Variants in EIF4G3 observed in about 807,000 individuals in gnomAD.
EIF4G3 encodes eukaryotic translation initiation factor 4 gamma 3.
EIF4G3 carries 34 observed loss-of-function variants against 186.4 expected under a neutral mutation model. That is an observed-to-expected ratio of 0.18 (90% CI 0.14 to 0.24). The LOEUF (loss-of-function observed/expected upper bound fraction) is 0.24. Among genes scored for constraint, EIF4G3 ranks in the 10% least tolerant of loss-of-function variants. The probability of loss-of-function intolerance (pLI) is 1.00; values close to 1 mark genes in which losing one functional copy is unlikely to be tolerated. For synonymous variants in EIF4G3, 673 were observed against 679.5 expected, an observed-to-expected ratio of 0.99 and a Z score of 0.15; for missense variants, 1,536 against 1,948.5, an observed-to-expected ratio of 0.79 and a Z score of 3.99.
intron 30 of EIF4G3, among the ~76,000 whole-genome samples, chr1:20,839,795 G>A (rs969082446): frequency 1.3e-5 from 2 of 148,496 alleles, no homozygotes; most frequent in Non-Finnish European, 3.0e-5. Flanking sequence ...GGCCAACAAT[G>A]ACATTTAATG....
Position 20,807,491 on chromosome 1 carries a change from C to T in EIF4G3, c.4754G>A (p.Arg1585Gln), listed in dbSNP as rs1282632284. Residue 1585 changes from arginine (R) to glutamine (Q), a missense_variant, in exon 37 of 37, where the codon CGG (arginine) becomes CAG (glutamine). By Grantham distance (43) the Arg-to-Gln change is conservative. This residue lies in a region of EIF4G3 where 45 missense variants were observed against 99.1 expected (regional missense o/e 0.45). Transcript: ENST00000602326. ...VKLDQPANLL[R>Q]MFFDCLYDEE... ...GTCATATAGACAATCAAAAAACATCCGCAGCAAATCTGCAAGGAGGTGAAA... is the reference window on the plus strand; with the variant it reads ...GTCATATAGACAATCAAAAAACATCTGCAGCAAATCTGCAAGGAGGTGAAA... 13 of 1,583,424 alleles carry T rather than the reference C, an allele frequency of 8.2e-6. No homozygotes were observed. The highest frequency in any genetic ancestry group is 1.3e-5 in the African/African-American group (1 of 74,252).
intron 4 of EIF4G3, among the ~76,000 whole-genome samples, chr1:21,005,116 A>G (rs970227093): frequency 3.3e-5 from 5 of 152,176 alleles, no homozygotes; most frequent in African/African-American, 1.2e-4. Flanking sequence ...CACATCCGAA[A>G]TCTGAAAGGC....
intron 2 of EIF4G3, among the ~76,000 whole-genome samples, chr1:21,166,256 T>TA (rs59903518): frequency 8.0e-4 from 112 of 139,218 alleles, no homozygotes; most frequent in Middle Eastern, 3.8e-3. Context: ...CTGAGATCTC[T>TA]AAAAAAAAAA....
chr1:21,036,779 G>T (rs2093239510), intron 4 of EIF4G3, among the ~76,000 whole-genome samples: 1 of 152,150 alleles, frequency 6.6e-6, no homozygotes, highest in Non-Finnish European at 1.5e-5. Context: ...TACTTGAGAG[G>T]CTGAGGTGGG....
chr1:21,084,252 G>GA (rs1174925125), intron 3 of EIF4G3, among the ~76,000 whole-genome samples: 1 of 147,650 alleles, frequency 6.8e-6, no homozygotes, highest in South Asian at 2.1e-4. Context: ...AAAAAAGAAA[G>GA]AAAAAAAAGA....
chr1:21,028,515 G>A (rs2092407132), intron 4 of EIF4G3, among the ~76,000 whole-genome samples: 1 of 152,200 alleles, frequency 6.6e-6, no homozygotes, highest in Non-Finnish European at 1.5e-5. Context: ...ATACAGAGTG[G>A]CTTCAAAGAT....
At chr1:20,861,726 C>T (rs1557965795) in intron 23 of EIF4G3, among the ~76,000 whole-genome samples, 1 of 152,292 alleles carries the variant, frequency 6.6e-6, no homozygotes, top group East Asian at 1.9e-4. Context: ...GTAATCCCAG[C>T]ACTTTGGGAG....
intron 4 of EIF4G3, among the ~76,000 whole-genome samples, chr1:21,015,533 T>C (rs1257687821): frequency 6.6e-6 from 1 of 151,986 alleles, no homozygotes; most frequent in Non-Finnish European, 1.5e-5. Context: ...TTGCACCACT[T>C]TGGAGGGATC....
At chr1:20,879,754 T>C (rs1428886473) in intron 19 of EIF4G3, among the ~76,000 whole-genome samples, 4 of 152,112 alleles carry the variant, frequency 2.6e-5, no homozygotes, top group Admixed American at 2.0e-4. Context: ...ACTTAGCTGG[T>C]GGGAGCATTA....
chr1:20,916,197 A>C (rs2093845395), intron 14 of EIF4G3, among the ~76,000 whole-genome samples: 1 of 152,216 alleles, frequency 6.6e-6, no homozygotes, highest in South Asian at 2.1e-4. Context: ...ACTTTAAAAA[A>C]TGCCTCTGGG....
intron 7 of EIF4G3, among the ~76,000 whole-genome samples, chr1:20,992,086 T>C (rs1036643585): frequency 6.6e-6 from 1 of 152,194 alleles, no homozygotes; most frequent in Non-Finnish European, 1.5e-5. Context: ...ACTCCCAACA[T>C]ATATTTTCTT....
chr1:21,013,002 A>C (rs1407182906), intron 4 of EIF4G3, among the ~76,000 whole-genome samples: 1 of 152,206 alleles, frequency 6.6e-6, no homozygotes, highest in Non-Finnish European at 1.5e-5. Flanking sequence ...CTAGAACTAA[A>C]GCAGATTTAG....
chr1:20,958,094 A>C (rs764583705), intron 12 of EIF4G3, among the ~76,000 whole-genome samples: 64 of 152,180 alleles, frequency 4.2e-4, no homozygotes, highest in Admixed American at 1.8e-3. Flanking sequence ...AGAACACACA[A>C]AAAAAGAAAA....
In EIF4G3 at chr1:20,930,433, A is replaced by G. The variant is rs188829126; in HGVS notation, c.1663+11058T>C. On this transcript the variant is annotated intron_variant, in intron 14 of 36. Coordinates refer to ENST00000602326, the MANE Select transcript of EIF4G3 (RefSeq NM_001391906.1). ...TTGTTGTCATGTCTATAATGTTCAC[A>G]GTATCCTCAACAGGAATAGATTCCA... Among the ~76,000 whole-genome samples the G allele has an allele frequency of 4.1e-4, 62 of 152,342 alleles. 1 individual carries two copies. In the Middle Eastern group the frequency reaches 0.01, roughly 25 times the overall value.
chr1:21,176,249 C>CGCCGCCGCCGCCGCCGCCGCT lies in EIF4G3; in HGVS notation c.-347_-346insAGCGGCGGCGGCGGCGGCGGC. ...GGACCGCTGCCGCCGCCGCCGCCGC[C>CGCCGCCGCCGCCGCCGCCGCT]GCCGCCGCCGCCGCCGCTGCTGCCG... On this transcript the variant is annotated 5_prime_UTR_variant, in exon 2 of 37. Transcript: ENST00000602326. 1 of 376,568 alleles carries CGCCGCCGCCGCCGCCGCCGCT rather than the reference C, an allele frequency of 2.7e-6. No individual in the cohort carries two copies. Among genetic ancestry groups the CGCCGCCGCCGCCGCCGCCGCT allele is most frequent in the South Asian group, 8.5e-5 (1 of 11,746 alleles). 23.3% of individuals were successfully genotyped at this position (376,568 alleles called of 1,614,324 possible). A position where few individuals can be genotyped will look rare whatever the true frequency, so the allele number is the denominator to read the frequency against.
chr1:21,163,784 T>G (rs1280701421), intron 2 of EIF4G3, among the ~76,000 whole-genome samples: 1 of 152,200 alleles, frequency 6.6e-6, no homozygotes, highest in African/African-American at 2.4e-5. Flanking sequence ...TTTGTTTTGT[T>G]TTTTTGAGAC....
At chr1:21,065,575 G>A (rs2095200307) in intron 3 of EIF4G3, among the ~76,000 whole-genome samples, 1 of 151,372 alleles carries the variant, frequency 6.6e-6, no homozygotes, top group Non-Finnish European at 1.5e-5. Context: ...GTGGGGCGGC[G>A]GGGGGAAGAA....
At chr1:20,807,927 AT>A (rs1173098583) in intron 36 of EIF4G3, among the ~76,000 whole-genome samples, 58 of 149,802 alleles carry the variant, frequency 3.9e-4, no homozygotes, top group African/African-American at 1.4e-3. Flanking sequence ...GGTTTAAGCA[AT>A]TTTTCCTGCC....
At chr1:20,988,652 A>G (rs2080157336) in intron 7 of EIF4G3, among the ~76,000 whole-genome samples, 1 of 152,022 alleles carries the variant, frequency 6.6e-6, no homozygotes, top group Admixed American at 6.5e-5. Flanking sequence ...TCAAAATATT[A>G]CTGCTTACTG....
Sources: allele counts gnomAD v4.1 joint callset (sites outside exome capture counted in the v4.1 genomes callset), GRCh38; gene constraint gnomAD v4.1.1; regional missense constraint gnomAD v4.1.1; transcripts MANE v1.5; gene names NCBI Gene and HGNC (gene_info 2026-07-23, HGNC 2026-07-21).